FOXN3: variants seen among roughly 807,000 people sequenced by gnomAD.
FOXN3 encodes the protein forkhead box protein N3.
FOXN3 carries 7 observed loss-of-function variants against 38.4 expected under a neutral mutation model. The observed-to-expected ratio is 0.18, with a 90% CI of 0.10 to 0.34. The LOEUF is 0.34. FOXN3 is among the 10% of genes least tolerant of loss of function. The pLI, the probability that FOXN3 is intolerant of heterozygous loss-of-function variation, is 1.00. For synonymous variants in FOXN3, 230 were observed against 242.2 expected, an observed-to-expected ratio of 0.95 and a Z score of 0.47; for missense variants, 456 against 613.4, an observed-to-expected ratio of 0.74 and a Z score of 2.71.
rs988869692 is a variant in FOXN3, at chr14:89,165,479, T to C, written c.852-2510A>G. On this transcript the variant is annotated intron_variant, in intron 5 of 5. Coordinates refer to ENST00000557258, the MANE Select transcript of FOXN3 (RefSeq NM_005197.4). ...TCTTTCTATTCTGGATCGGGAGGCG[T>C]ATGGGAACCCAGCACCAAGTCAGAG... Among the ~76,000 whole-genome samples the C allele has an allele frequency of 3.3e-4, 50 of 152,152 alleles. 1 individual carries two copies. The highest frequency in any genetic ancestry group is 1.1e-3 in the African/African-American group (47 of 41,422).
rs1555358983 is a variant in FOXN3 at position 89,530,934 on chromosome 14, A to AAT, written c.-15+88092_-15+88093dup. Among the ~76,000 whole-genome samples, 7 of 147,702 alleles carry AAT rather than the reference A, an allele frequency of 4.7e-5. No individual in the cohort carries two copies. In the South Asian group the frequency reaches 8.3e-4, roughly 18 times the overall value. ...TCTATTTTTTATATTTTTATAATGA[A>AAT]ATATATATATTATATATACATATAT... is the stretch of plus-strand genomic sequence containing the variant. On this transcript the variant is annotated intron_variant, in intron 1 of 6. Coordinates refer to the FOXN3 transcript ENST00000345097.
chr14:89,406,183 G>A (rs1208549866), intron 2 of FOXN3, among the ~76,000 whole-genome samples: 1 of 151,874 alleles, frequency 6.6e-6, no homozygotes, highest in Non-Finnish European at 1.5e-5. Context: ...CTGGGCTCAA[G>A]TCATCTGCTT....
chr14:89,614,427 C>T (rs1896452415), intron 1 of FOXN3, among the ~76,000 whole-genome samples: 1 of 152,154 alleles, frequency 6.6e-6, no homozygotes, highest in Admixed American at 6.5e-5. Context: ...CTCTTTCATG[C>T]TTGTGGTCAG....
chr14:89,175,307 G>A (rs553684253), intron 5 of FOXN3, among the ~76,000 whole-genome samples: 3 of 152,310 alleles, frequency 2.0e-5, no homozygotes, highest in African/African-American at 7.2e-5. Context: ...AACAAATAGG[G>A]TGATCTAGAC....
At position 89,303,856 on chromosome 14, in the gene FOXN3, G is replaced by C. The variant is rs541336726; in HGVS notation, c.681-22842C>G. Among the ~76,000 whole-genome samples the C allele has an allele frequency of 2.6e-5, 4 of 152,256 alleles. No homozygotes were observed. In the East Asian group the frequency reaches 5.8e-4, roughly 22 times the overall value. ...TTATCAGTGTATCTACTTTAACTTG[G>C]AGCCCAGGCAACCAAGCACTAAATT... On this transcript the variant is annotated intron_variant, in intron 3 of 5. Transcript: ENST00000557258.
At chr14:89,302,464 T>C (rs1005505529) in intron 3 of FOXN3, among the ~76,000 whole-genome samples, 3 of 152,338 alleles carry the variant, frequency 2.0e-5, no homozygotes, top group South Asian at 2.1e-4. Flanking sequence ...CCCTCTTCTT[T>C]GAATTCCTAT....
At position 89,303,919 on chromosome 14, in the gene FOXN3, G is replaced by A. The variant is rs931461591; in HGVS notation, c.681-22905C>T. Among the ~76,000 whole-genome samples the A allele has an allele frequency of 2.6e-5, 4 of 152,276 alleles. No individual in the cohort carries two copies. In the East Asian group the frequency reaches 7.7e-4, roughly 29 times the overall value. On this transcript the variant is annotated intron_variant, in intron 3 of 5. Transcript: ENST00000557258. Reference sequence around the variant, plus strand: ...TCTCTGCAAAGGTGATGGGGGACAAGACGCCTTGTAACTTTGAAGAAGAGA... The same window carrying A: ...TCTCTGCAAAGGTGATGGGGGACAAAACGCCTTGTAACTTTGAAGAAGAGA...
intron 4 of FOXN3, among the ~76,000 whole-genome samples, chr14:89,186,264 C>G (rs896211913): frequency 6.6e-6 from 1 of 152,120 alleles, no homozygotes; most frequent in Non-Finnish European, 1.5e-5. Context: ...GACATACATC[C>G]CAGTTCCAGG....
At chr14:89,439,657 C>CCT (rs1555354032) in intron 1 of FOXN3, among the ~76,000 whole-genome samples, 2 of 136,282 alleles carry the variant, frequency 1.5e-5, no homozygotes, top group Middle Eastern at 6.8e-3. Flanking sequence ...TCTTTTATTC[C>CCT]TTTTTTTTTT....
intron 4 of FOXN3, among the ~76,000 whole-genome samples, chr14:89,280,590 G>A (rs1247784436): frequency 6.6e-6 from 1 of 152,168 alleles, no homozygotes; most frequent in East Asian, 1.9e-4. Flanking sequence ...TTTGAAACAT[G>A]TAAAGGGGTT....
chr14:89,390,059 A>T (rs903437405), intron 2 of FOXN3, among the ~76,000 whole-genome samples: 5 of 151,600 alleles, frequency 3.3e-5, no homozygotes, highest in Admixed American at 2.0e-4. Context: ...ATCTTTACAA[A>T]AATAATAATA....
chr14:89,177,861 A>G (rs1337649333), intron 5 of FOXN3, among the ~76,000 whole-genome samples: 1 of 152,078 alleles, frequency 6.6e-6, no homozygotes, highest in East Asian at 1.9e-4. Flanking sequence ...CCATGGGGTG[A>G]TCATTCCAAC....
chr14:89,550,401 G>C (rs150715550), intron 1 of FOXN3, among the ~76,000 whole-genome samples: 192 of 152,312 alleles, frequency 1.3e-3, no homozygotes, highest in South Asian at 4.4e-3. Flanking sequence ...ACTTCCAGTA[G>C]CACTGCCAGC....
At chr14:89,431,959 C>T (rs1162807844) in intron 1 of FOXN3, among the ~76,000 whole-genome samples, 2 of 152,176 alleles carry the variant, frequency 1.3e-5, no homozygotes, top group Non-Finnish European at 2.9e-5. Context: ...AGGTGATCCG[C>T]CTGCCTCGGC....
intron 1 of FOXN3, among the ~76,000 whole-genome samples, chr14:89,536,937 C>A (rs1894701568): frequency 6.6e-6 from 1 of 152,178 alleles, no homozygotes; most frequent in Admixed American, 6.5e-5. Flanking sequence ...AATCCAAATT[C>A]TTTATCATGG....
intron 1 of FOXN3, among the ~76,000 whole-genome samples, chr14:89,544,654 T>A (rs1005467030): frequency 2.0e-5 from 3 of 152,160 alleles, no homozygotes; most frequent in African/African-American, 7.2e-5. Flanking sequence ...TCCCTCCTTC[T>A]CCACGGGGAA....
chr14:89,416,777 C>T (rs1166499211), intron 1 of FOXN3, 94 bp downstream of exon 1: 1 of 152,116 alleles, frequency 6.6e-6, no homozygotes, highest in Admixed American at 6.5e-5. Context: ...CCCAGAGCGG[C>T]GAGGTAGTCT....
intron 1 of FOXN3, among the ~76,000 whole-genome samples, chr14:89,604,235 ACACACGTGCGCGCACACACACG>A (rs1301090305): frequency 2.2e-5 from 3 of 135,932 alleles, no homozygotes; most frequent in Non-Finnish European, 4.9e-5. Flanking sequence ...ACACACACAC[ACACACGTGCGCGCACACACACG>A]CGCGCGCACA....
At chr14:89,317,276 G>A (rs1361611529) in intron 3 of FOXN3, among the ~76,000 whole-genome samples, 1 of 152,210 alleles carries the variant, frequency 6.6e-6, no homozygotes, top group African/African-American at 2.4e-5. Context: ...GCTCACTCAA[G>A]GTAACTCTTC....
Sources: gnomAD v4.1 joint callset for allele counts (sites outside exome capture counted in the v4.1 genomes callset) on GRCh38, gnomAD v4.1.1 for gene constraint, MANE v1.5 for transcripts, NCBI Gene and HGNC (gene_info 2026-07-23, HGNC 2026-07-21) for gene names.